The following ZNF486 variants were observed in gnomAD, a reference collection of about 807,000 sequenced individuals.
ZNF486 encodes the protein KRAB box only protein 2.
Under a neutral mutation model 12.8 loss-of-function variants are expected in ZNF486, and 12 were observed. The observed-to-expected ratio is 0.94, with a 90% CI of 0.60 to 1.52. The LOEUF (loss-of-function observed/expected upper bound fraction) is 1.52, where lower values mean the gene tolerates loss of function less well. ZNF486 is among the 40% of genes most tolerant of loss of function. ZNF486 has a pLI of 0.00. For synonymous variants in ZNF486, 231 were observed against 184.9 expected (o/e 1.25, Z -2.02); for missense variants, 738 against 545.0 (o/e 1.35, Z -3.53).
At chr19:20,188,753 C>T (rs1282193204) in intron 3 of ZNF486, 1 of 296,654 alleles carries the variant, frequency 3.4e-6, no homozygotes, top group African/African-American at 2.2e-5. Context: ...AACTCAATAC[C>T]CATTAAATAA....
chr19:20,185,704 G>A (rs2089835139), intron 2 of ZNF486, among the ~76,000 whole-genome samples: 1 of 151,342 alleles, frequency 6.6e-6, no homozygotes, highest in Non-Finnish European at 1.5e-5. Context: ...CACTGCAACT[G>A]GCCCTATTTA....
intron 1 of ZNF486, among the ~76,000 whole-genome samples, chr19:20,181,310 C>T (rs565717746): frequency 4.3e-4 from 65 of 152,152 alleles, no homozygotes; most frequent in African/African-American, 1.5e-3. Context: ...GAGGCCAAGG[C>T]GGGCAGATCA....
At chr19:20,181,520 C>T (rs1463222175) in intron 1 of ZNF486, among the ~76,000 whole-genome samples, 1 of 142,748 alleles carries the variant, frequency 7.0e-6, no homozygotes, top group South Asian at 2.2e-4. Flanking sequence ...GCCTGGGTGG[C>T]AGCGAGACTC....
At chr19:20,174,349 G>C (rs836894) in intron 1 of ZNF486, among the ~76,000 whole-genome samples, 45,093 of 151,854 alleles carry the variant, frequency 0.3, 8,082 homozygotes, top group African/African-American at 0.48. Flanking sequence ...TTGTAGACAA[G>C]CTGCATTTAT....
At position 20,197,039 on chromosome 19, in the gene ZNF486, G is replaced by A; in HGVS notation, c.329G>A (p.Arg110Lys). Reference protein sequence around the residue: ...IKDSYQKVILRKFEKCGHGNL... With the variant: ...IKDSYQKVILKKFEKCGHGNL... ...GATTCTTACCAAAAAGTGATACTGA[G>A]AAAATTTGAAAAATGTGGACATGGC... is the stretch of plus-strand genomic sequence containing the variant. Residue 110 changes from arginine (R) to lysine (K), a missense_variant, in exon 4 of 4, where the codon AGA becomes AAA. Transcript: ENST00000335117. The A allele has an allele frequency of 6.2e-7, 1 of 1,610,526 alleles. No individual in the cohort carries two copies. Among genetic ancestry groups the A allele is most frequent in the Non-Finnish European group, 8.5e-7 (1 of 1,179,200 alleles).
intron 1 of ZNF486, among the ~76,000 whole-genome samples, chr19:20,182,050 T>C (rs11673382): frequency 0.087 from 13,234 of 152,266 alleles, 795 homozygotes; most frequent in Non-Finnish European, 0.14. Context: ...GTTTCCTCTA[T>C]AAACTTTAAA....
chr19:20,195,923 T>G (rs1555717857), intron 3 of ZNF486, among the ~76,000 whole-genome samples: 1 of 152,226 alleles, frequency 6.6e-6, no homozygotes, highest in African/African-American at 2.4e-5. Flanking sequence ...TGGGACACAT[T>G]ATCTGGTGTC....
chr19:20,193,512 T>C (rs1487821221), intron 3 of ZNF486, among the ~76,000 whole-genome samples: 1 of 151,902 alleles, frequency 6.6e-6, no homozygotes, highest in African/African-American at 2.4e-5. Flanking sequence ...AATACAAACA[T>C]TATCCGGGCA....
Position 20,198,563 on chromosome 19 carries a change from C to T in ZNF486, c.*461C>T, listed in dbSNP as rs2089984077. On this transcript the variant is annotated 3_prime_UTR_variant, in exon 4 of 4. Transcript: ENST00000335117. Reference sequence around the variant, plus strand: ...TTGAGATGCAGTTTCACTCTTGTGACCCGGGCTGTAGTGCAATGGCATGAT... The same window carrying T: ...TTGAGATGCAGTTTCACTCTTGTGATCCGGGCTGTAGTGCAATGGCATGAT... 1 of 172,590 alleles carries T rather than the reference C, an allele frequency of 5.8e-6. No individual in the cohort carries two copies. Among genetic ancestry groups the T allele is most frequent in the Non-Finnish European group, 1.3e-5 (1 of 79,318 alleles). The allele number at this position is 172,590 out of a possible 1,614,324, so 10.7% of individuals were successfully genotyped here. A position where few individuals can be genotyped will look rare whatever the true frequency, so the allele number is the denominator to read the frequency against.
At chr19:20,188,486 C>A (rs2089871847) in intron 3 of ZNF486, 1 of 398,212 alleles carries the variant, frequency 2.5e-6, no homozygotes, top group African/African-American at 2.1e-5. Context: ...AAGTTTGAGA[C>A]CAGCCTGGGA....
Position 20,197,363 on chromosome 19 carries a change from C to T in ZNF486, c.653C>T (p.Ala218Val). The change falls in exon 4 of 4, where the codon GCC becomes GTC. Residue 218 changes from alanine (A) to valine (V), a missense_variant. Transcript: ENST00000335117. The part of the protein sequence containing the change: ...KPYKCEECGK[A>V]FNRSSHLTTH... ...TACAAATGTGAAGAATGTGGCAAAG[C>T]CTTCAACCGGTCCTCACACCTTACT... The T allele has an allele frequency of 6.2e-7, 1 of 1,613,320 alleles. No homozygotes were observed. Among genetic ancestry groups the T allele is most frequent in the South Asian group, 1.1e-5 (1 of 91,010 alleles).
chr19:20,195,244 C>A (rs1424725614), intron 3 of ZNF486, among the ~76,000 whole-genome samples: 1 of 152,222 alleles, frequency 6.6e-6, no homozygotes, highest in Non-Finnish European at 1.5e-5. Context: ...TCTCCACTCA[C>A]TGCAACGTTT....
At chr19:20,174,412 TGA>T (rs1203901394) in intron 1 of ZNF486, among the ~76,000 whole-genome samples, 2 of 150,704 alleles carry the variant, frequency 1.3e-5, no homozygotes, top group South Asian at 2.1e-4. Flanking sequence ...TTTTTTTTTT[TGA>T]GAGAGTCTCT....
intron 2 of ZNF486, among the ~76,000 whole-genome samples, chr19:20,185,304 A>C (rs895085191): frequency 6.6e-6 from 1 of 151,412 alleles, no homozygotes; most frequent in Non-Finnish European, 1.5e-5. Context: ...CAGATAGTTT[A>C]AGTGTTTGAG....
At chr19:20,188,344 T>A (rs1339858838) in intron 3 of ZNF486, 1 of 397,886 alleles carries the variant, frequency 2.5e-6, no homozygotes, top group African/African-American at 2.1e-5. Flanking sequence ...AAAAAAATTG[T>A]TTTAAAAACA....
intron 1 of ZNF486, among the ~76,000 whole-genome samples, chr19:20,169,047 G>T (rs1555713439): frequency 6.6e-6 from 1 of 151,524 alleles, no homozygotes; most frequent in African/African-American, 2.4e-5. Flanking sequence ...CACCATATTG[G>T]CCAGGCTGGT....
rs547232466 is a variant in ZNF486 at position 20,171,058 on chromosome 19, A to C, written c.30+3698A>C. On this transcript the variant is annotated intron_variant, in intron 1 of 3. Transcript: ENST00000335117. ...GACAATGTTGTGGGACCGAGGGTCT[A>C]TGCTGACTTTAGGTGCTGTCAGAAT... Among the ~76,000 whole-genome samples the C allele has an allele frequency of 5.9e-5, 9 of 152,304 alleles. No homozygotes were observed. The South Asian group carries it at 1.9e-3, about 32-fold the overall frequency.
chr19:20,182,369 C>A (rs192554046), intron 1 of ZNF486, among the ~76,000 whole-genome samples: 1 of 152,226 alleles, frequency 6.6e-6, no homozygotes, highest in Non-Finnish European at 1.5e-5. Context: ...ATTACCAGCC[C>A]AGGCTTTTCC....
chr19:20,196,445 C>T (rs1333265843), intron 3 of ZNF486, among the ~76,000 whole-genome samples: 2 of 152,198 alleles, frequency 1.3e-5, no homozygotes, highest in Non-Finnish European at 2.9e-5. Context: ...TCTCATGCCT[C>T]AGCCTCCTGA....
Sources: allele counts gnomAD v4.1 joint callset (sites outside exome capture counted in the v4.1 genomes callset), GRCh38; gene constraint gnomAD v4.1.1; transcripts MANE v1.5; gene names NCBI Gene and HGNC (gene_info 2026-07-23, HGNC 2026-07-21).